The following CSMD1 variants were observed in gnomAD, a reference collection of about 807,000 sequenced individuals.
The protein encoded by CSMD1 is CUB and sushi domain-containing protein 1.
A neutral mutation model predicts 417.5 loss-of-function variants in CSMD1; 213 were observed. The ratio of observed to expected loss-of-function variants is 0.51; its 90% CI spans 0.46 to 0.57. The LOEUF is 0.57. Among genes scored for constraint, CSMD1 ranks in the 20% least tolerant of loss-of-function variants. The probability of loss-of-function intolerance (pLI) is 0.00; values close to 1 mark genes in which losing one functional copy is unlikely to be tolerated. For synonymous variants in CSMD1, 2,862 were observed against 1,736.8 expected, an observed-to-expected ratio of 1.65 and a Z score of -16.11; for missense variants, 6,923 against 4,529.7, an observed-to-expected ratio of 1.53 and a Z score of -15.17.
intron 52 of CSMD1, among the ~76,000 whole-genome samples, chr8:3,007,591 A>G (rs1021613947): frequency 6.6e-5 from 10 of 151,494 alleles, no homozygotes; most frequent in African/African-American, 2.0e-4. Context: ...CTATGCAGCC[A>G]TAAAAAATGA....
chr8:4,427,476 G>C (rs1390398679), intron 2 of CSMD1, among the ~76,000 whole-genome samples: 1 of 113,764 alleles, frequency 8.8e-6, no homozygotes, highest in Non-Finnish European at 1.8e-5. Flanking sequence ...GTTCAGAAGA[G>C]ACTTAATCAA....
intron 52 of CSMD1, among the ~76,000 whole-genome samples, chr8:3,000,414 T>C (rs190558528): frequency 6.6e-6 from 1 of 152,048 alleles, no homozygotes; most frequent in South Asian, 2.1e-4. Flanking sequence ...TGCTTACCTG[T>C]ATTCAGTTAT....
intron 2 of CSMD1, among the ~76,000 whole-genome samples, chr8:4,635,407 G>C (rs1216999138): frequency 1.3e-5 from 2 of 151,922 alleles, no homozygotes; most frequent in Non-Finnish European, 2.9e-5. Flanking sequence ...GATCATAATA[G>C]TACCATAAGA....
chr8:4,104,414 GCA>G (rs1265664380), intron 3 of CSMD1, among the ~76,000 whole-genome samples: 6 of 148,914 alleles, frequency 4.0e-5, no homozygotes, highest in African/African-American at 1.5e-4. Context: ...ACATGCACAC[GCA>G]CACACACATG....
chr8:4,025,799 C>A (rs11779756), intron 4 of CSMD1, among the ~76,000 whole-genome samples: 1 of 152,070 alleles, frequency 6.6e-6, no homozygotes, highest in East Asian at 1.9e-4. Context: ...GCAAAGGTGA[C>A]TGGCCTCTGA....
Position 3,018,457 on chromosome 8 carries a change from C to T in CSMD1, c.8029+20G>A. 1 of 1,610,250 alleles carries T rather than the reference C, an allele frequency of 6.2e-7. No individual in the cohort carries two copies. Among genetic ancestry groups the T allele is most frequent in the Non-Finnish European group, 8.5e-7 (1 of 1,177,418 alleles). ...AGGTTTATCTGCATTAAGTAAGTGC[C>T]AGAACACAGATGAATTTACCCAGAC... On this transcript the variant is annotated intron_variant, in intron 52 of 69. Transcript: ENST00000635120.
chr8:4,645,185 C>T (rs935768731), intron 1 of CSMD1, among the ~76,000 whole-genome samples: 1 of 152,008 alleles, frequency 6.6e-6, no homozygotes, highest in Non-Finnish European at 1.5e-5. Context: ...TGGACGTTGG[C>T]ATCTCTGCTT....
At chr8:3,714,127 CAT>C (rs1801687021) in intron 6 of CSMD1, among the ~76,000 whole-genome samples, 2 of 149,698 alleles carry the variant, frequency 1.3e-5, no homozygotes, top group East Asian at 2.0e-4. Flanking sequence ...AAGTATATAA[CAT>C]ATAAGTTTAT....
chr8:3,543,989 G>C lies in CSMD1; in HGVS notation c.1344+30956C>G, dbSNP rs1416915873. On this transcript the variant is annotated intron_variant, in intron 10 of 69. Transcript: ENST00000635120. ...GAAAGCAGAAAGAGTCAGATAGGAA[G>C]GGGATCAAGAAGCAGAGTCTAAGTA... 1.3e-5 allele frequency among the ~76,000 whole-genome samples: 2 copies of C among 152,148 alleles called. 1 individual carries two copies. The highest frequency in any genetic ancestry group is 4.1e-4 in the South Asian group (2 of 4,826).
At chr8:4,914,857 C>T (rs757505366) in intron 1 of CSMD1, among the ~76,000 whole-genome samples, 12 of 152,188 alleles carry the variant, frequency 7.9e-5, no homozygotes, top group Non-Finnish European at 1.3e-4. Context: ...ACTGCTATTT[C>T]ACCTTCACCT....
chr8:4,714,934 G>T (rs867669898), intron 1 of CSMD1, among the ~76,000 whole-genome samples: 1 of 152,186 alleles, frequency 6.6e-6, no homozygotes, highest in Non-Finnish European at 1.5e-5. Context: ...TTTGGAAGGT[G>T]TCTAGAGAAT....
In CSMD1 at chr8:2,935,595, T is replaced by C. The variant is rs1035753345; in HGVS notation, c.*2990A>G. 6.6e-6 allele frequency: 1 copy of C among 152,214 alleles called. No individual in the cohort carries two copies. The highest frequency in any genetic ancestry group is 2.4e-5 in the African/African-American group (1 of 41,460). The allele number at this position is 152,214 out of a possible 1,614,324, so 9.4% of individuals were successfully genotyped here. On this transcript the variant is annotated 3_prime_UTR_variant, in exon 70 of 70. Coordinates refer to ENST00000635120, the MANE Select transcript of CSMD1 (RefSeq NM_033225.6). The stretch of plus-strand genomic sequence containing the variant: ...TCTGTATTGTAAAAACATTTATTTT[T>C]TAACAATGTACCTACATTAATCAAA...
intron 68 of CSMD1, among the ~76,000 whole-genome samples, chr8:2,948,884 C>T (rs1342043355): frequency 6.6e-6 from 1 of 151,864 alleles, no homozygotes; most frequent in Non-Finnish European, 1.5e-5. Flanking sequence ...TAAAAATAAT[C>T]ATCTTTGTTA....
chr8:3,888,609 G>A (rs1394428157), intron 5 of CSMD1, among the ~76,000 whole-genome samples: 1 of 152,086 alleles, frequency 6.6e-6, no homozygotes, highest in African/African-American at 2.4e-5. Context: ...AATCTAACAA[G>A]ATCTTTGTCA....
At chr8:3,233,754 G>C (rs1798988508) in intron 26 of CSMD1, among the ~76,000 whole-genome samples, 1 of 151,940 alleles carries the variant, frequency 6.6e-6, no homozygotes, top group Non-Finnish European at 1.5e-5. Context: ...TTCTGTTCTG[G>C]GGAACTTGAC....
At chr8:3,612,240 G>C (rs1197174202) in intron 8 of CSMD1, among the ~76,000 whole-genome samples, 1 of 151,798 alleles carries the variant, frequency 6.6e-6, no homozygotes, top group Non-Finnish European at 1.5e-5. Context: ...AGGTATTGAA[G>C]AAACAAAAAT....
At chr8:3,876,368 T>A (rs1301192713) in intron 5 of CSMD1, among the ~76,000 whole-genome samples, 1 of 152,180 alleles carries the variant, frequency 6.6e-6, no homozygotes, top group Non-Finnish European at 1.5e-5. Context: ...TATAGTGTTG[T>A]CCTAGAGTAC....
intron 6 of CSMD1, among the ~76,000 whole-genome samples, chr8:3,732,782 T>C (rs1316757719): frequency 6.6e-6 from 1 of 152,162 alleles, no homozygotes; most frequent in Non-Finnish European, 1.5e-5. Flanking sequence ...GAAACGTCCA[T>C]CCCACTGAGT....
At chr8:3,215,698 C>A (rs1797843079) in intron 29 of CSMD1, among the ~76,000 whole-genome samples, 1 of 152,150 alleles carries the variant, frequency 6.6e-6, no homozygotes, top group South Asian at 2.1e-4. Context: ...TTTTAATTTT[C>A]TGTTTCAATA....
Sources: allele counts gnomAD v4.1 joint callset (sites outside exome capture counted in the v4.1 genomes callset), GRCh38; gene constraint gnomAD v4.1.1; transcripts MANE v1.5; gene names NCBI Gene and HGNC (gene_info 2026-07-23, HGNC 2026-07-21).